KDM7A: variants seen among roughly 807,000 people sequenced by gnomAD.
The protein encoded by KDM7A is lysine demethylase 7A, also known as lysine-specific demethylase 7A.
KDM7A carries 28 observed loss-of-function variants against 114.8 expected under a neutral mutation model. The ratio of observed to expected loss-of-function variants is 0.24; its 90% CI spans 0.18 to 0.33. KDM7A has a LOEUF of 0.33. Among genes scored for constraint, KDM7A ranks in the 10% least tolerant of loss-of-function variants. The pLI is 1.00. For synonymous variants in KDM7A, 423 were observed against 397.8 expected (o/e 1.06, Z -0.75); for missense variants, 942 against 1,142.5 (o/e 0.82, Z 2.53).
At chr7:140,158,631 G>C (rs1231068677) in intron 1 of KDM7A, among the ~76,000 whole-genome samples, 2 of 152,204 alleles carry the variant, frequency 1.3e-5, no homozygotes, top group African/African-American at 4.8e-5. Context: ...GCTCAGGGGA[G>C]AGAGCTACGA....
chr7:140,107,308 C>G (rs756847109), intron 11 of KDM7A, among the ~76,000 whole-genome samples: 3 of 152,112 alleles, frequency 2.0e-5, no homozygotes, highest in Non-Finnish European at 2.9e-5. Flanking sequence ...ATTTGATCCA[C>G]TCATTATGAT....
intron 1 of KDM7A, among the ~76,000 whole-genome samples, chr7:140,171,567 ATT>A (rs1182211338): frequency 3.6e-5 from 4 of 112,468 alleles, no homozygotes; most frequent in Non-Finnish European, 7.6e-5. Context: ...ATTTTTATAT[ATT>A]TATATATATA....
rs1817904757 is a variant in KDM7A, at chr7:140,085,179, G to A, written c.*5915C>T. The A allele has an allele frequency of 6.6e-6, 1 of 152,284 alleles. No individual in the cohort carries two copies. The highest frequency in any genetic ancestry group is 2.4e-5 in the African/African-American group (1 of 41,418). The allele number at this position is 152,284 out of a possible 1,614,324, so 9.4% of individuals were successfully genotyped here. A position where few individuals can be genotyped will look rare whatever the true frequency, so the allele number is the denominator to read the frequency against. ...AAAGGACACACATGTCACACACATT[G>A]ACTGCCTATACAAACAAGACGAGAC... On this transcript the variant is annotated 3_prime_UTR_variant, in exon 20 of 20. Coordinates refer to ENST00000397560, the MANE Select transcript of KDM7A (RefSeq NM_030647.2).
At chr7:140,099,117 A>C in intron 13 of KDM7A, 84 bp from the exon 14 acceptor site, 1 of 1,037,540 alleles carries the variant, frequency 9.6e-7, no homozygotes. Flanking sequence ...CTTAATTTAC[A>C]AAGAGTAGAG....
chr7:140,107,784 C>A (rs1019357169), intron 11 of KDM7A, among the ~76,000 whole-genome samples: 1 of 152,074 alleles, frequency 6.6e-6, no homozygotes, highest in African/African-American at 2.4e-5. Context: ...ATCTTTGTGG[C>A]GTTCTCTGTA....
At chr7:140,121,319 A>T (rs1317366935) in intron 7 of KDM7A, among the ~76,000 whole-genome samples, 1 of 152,246 alleles carries the variant, frequency 6.6e-6, no homozygotes, top group Non-Finnish European at 1.5e-5. Flanking sequence ...AATAAATACA[A>T]ACACATATTT....
rs1817912864 is a variant in KDM7A at position 140,085,590 on chromosome 7, T to C, written c.*5504A>G. 6.6e-6 allele frequency: 1 copy of C among 152,254 alleles called. No homozygotes were observed. Among genetic ancestry groups the C allele is most frequent in the Non-Finnish European group, 1.5e-5 (1 of 68,048 alleles). 9.4% of individuals were successfully genotyped at this position (152,254 alleles called of 1,614,324 possible). A position where few individuals can be genotyped will look rare whatever the true frequency, so the allele number is the denominator to read the frequency against. On this transcript the variant is annotated 3_prime_UTR_variant, in exon 20 of 20. Coordinates refer to ENST00000397560, the MANE Select transcript of KDM7A (RefSeq NM_030647.2). ...CCATCTGCGAAGATGCATTTCCTGA[T>C]CAGTGCTATTTCATACCTAACAACT...
At chr7:140,094,017 T>C (rs1200516294) in intron 18 of KDM7A, 39 bp downstream of exon 18, 2 of 1,213,814 alleles carry the variant, frequency 1.6e-6, no homozygotes, top group African/African-American at 1.5e-5. Flanking sequence ...TTAATGATCA[T>C]TTTAAATCTC....
intron 12 of KDM7A, among the ~76,000 whole-genome samples, chr7:140,100,711 CAT>C (rs58767645): frequency 0.2 from 11,015 of 54,536 alleles, 551 homozygotes; most frequent in Non-Finnish European, 0.29. Flanking sequence ...TATATATACA[CAT>C]ATATATATAT....
chr7:140,167,816 A>G (rs1232206045), intron 1 of KDM7A, among the ~76,000 whole-genome samples: 1 of 152,174 alleles, frequency 6.6e-6, no homozygotes, highest in African/African-American at 2.4e-5. Context: ...AAAAATTACC[A>G]TAAACAAAAC....
chr7:140,141,620 G>A (rs1156363981), intron 1 of KDM7A, among the ~76,000 whole-genome samples: 1 of 151,964 alleles, frequency 6.6e-6, no homozygotes, highest in East Asian at 1.9e-4. Context: ...TTGGCCTAGT[G>A]GGGTGGCTTA....
chr7:140,115,817 T>TAAAAAAAAAAAAAA (rs1818517926), intron 9 of KDM7A, among the ~76,000 whole-genome samples: 1 of 76,360 alleles, frequency 1.3e-5, no homozygotes, highest in Non-Finnish European at 2.8e-5. Context: ...AAAAAATAAA[T>TAAAAAAAAAAAAAA]AAATAAAAAA....
chr7:140,102,590 C>G (rs574026266), intron 11 of KDM7A, among the ~76,000 whole-genome samples: 2 of 152,274 alleles, frequency 1.3e-5, no homozygotes, highest in African/African-American at 4.8e-5. Flanking sequence ...CCAGGCTGGT[C>G]TTGAACTCCT....
In KDM7A at chr7:140,096,598, A is replaced by T. The variant is rs1818114031; in HGVS notation, c.2331T>A (p.His777Gln). The T allele has an allele frequency of 1.2e-6, 2 of 1,614,142 alleles. No homozygotes were observed. The highest frequency in any genetic ancestry group is 1.7e-6 in the Non-Finnish European group (2 of 1,179,988). ...QDPSSCHGSN[H>Q]EVRQLYRYDK... ...CATAGCGATACAACTGCCTAACCTC[A>T]TGGTTACTGCCATGGCAGCTGCTGG... Residue 777 changes from histidine (H) to glutamine (Q), a missense_variant, in exon 17 of 20, where the codon CAT becomes CAA. His to Gln is a conservative substitution (Grantham distance 24). This residue lies in a region of KDM7A where 512 missense variants were observed against 576.6 expected (regional missense o/e 0.89). Coordinates refer to ENST00000397560, the MANE Select transcript of KDM7A (RefSeq NM_030647.2).
At chr7:140,136,328 T>C (rs890549780) in intron 2 of KDM7A, among the ~76,000 whole-genome samples, 1 of 152,240 alleles carries the variant, frequency 6.6e-6, no homozygotes, top group Non-Finnish European at 1.5e-5. Context: ...TATCATTTCC[T>C]TTTAAATGTG....
intron 1 of KDM7A, among the ~76,000 whole-genome samples, chr7:140,159,390 C>T (rs891389308): frequency 6.8e-6 from 1 of 147,924 alleles, no homozygotes; most frequent in Non-Finnish European, 1.5e-5. Context: ...AGGATATATG[C>T]GTACAATTGG....
At chr7:140,119,465 G>C (rs1255166730) in intron 8 of KDM7A, among the ~76,000 whole-genome samples, 1 of 152,098 alleles carries the variant, frequency 6.6e-6, no homozygotes, top group African/African-American at 2.4e-5. Context: ...TCACACTTTG[G>C]GATTTGTATC....
At chr7:140,165,464 A>G (rs1445875737) in intron 1 of KDM7A, among the ~76,000 whole-genome samples, 2 of 152,154 alleles carry the variant, frequency 1.3e-5, no homozygotes, top group Non-Finnish European at 2.9e-5. Context: ...TCCCCTCCTT[A>G]TTTGTGGTTT....
chr7:140,099,234 G>T (rs751833207), intron 13 of KDM7A, among the ~76,000 whole-genome samples: 2 of 152,158 alleles, frequency 1.3e-5, no homozygotes, highest in Non-Finnish European at 2.9e-5. Context: ...TTGCTCTGTT[G>T]CCCTGGCTGG....
Sources: allele counts gnomAD v4.1 joint callset (sites outside exome capture counted in the v4.1 genomes callset), GRCh38; gene constraint gnomAD v4.1.1; regional missense constraint gnomAD v4.1.1; transcripts MANE v1.5; gene names NCBI Gene and HGNC (gene_info 2026-07-23, HGNC 2026-07-21).